TMEM181: variants seen among roughly 807,000 people sequenced by gnomAD.
TMEM181 encodes the protein G protein-coupled receptor 178.
In TMEM181, 39 loss-of-function variants were observed where a neutral mutation model predicts 71.9. The observed-to-expected ratio is 0.54, with a 90% confidence interval of 0.42 to 0.71. The LOEUF is 0.71. Among genes scored for constraint, TMEM181 ranks in the 30% least tolerant of loss-of-function variants. The probability of loss-of-function intolerance (pLI) is 0.00; values close to 1 mark genes in which losing one functional copy is unlikely to be tolerated. For synonymous variants in TMEM181, 245 were observed against 228.8 expected, an observed-to-expected ratio of 1.07 and a Z score of -0.64; for missense variants, 595 against 583.0, an observed-to-expected ratio of 1.02 and a Z score of -0.21.
chr6:158,626,309 G>A (rs181554043), intron 13 of TMEM181: 146 of 445,534 alleles, frequency 3.3e-4, no homozygotes, highest in Admixed American at 1.2e-3. Context: ...GAACAGAGCG[G>A]TCTGGGAAGT....
chr6:158,555,364 A>G (rs1299678332), upstream of TMEM181, among the ~76,000 whole-genome samples: 1 of 152,200 alleles, frequency 6.6e-6, no homozygotes, highest in Admixed American at 6.5e-5. Flanking sequence ...CCAAACAATT[A>G]TTAGTCAGGC....
At chr6:158,611,113 C>T in intron 10 of TMEM181, 1 of 512,662 alleles carries the variant, frequency 2.0e-6, no homozygotes, top group Admixed American at 2.1e-5. Flanking sequence ...CCCCAAGGGG[C>T]TCCTCAGTGG....
chr6:158,545,686 G>A (rs1317661841), intron 1 of TMEM181, among the ~76,000 whole-genome samples: 1 of 151,302 alleles, frequency 6.6e-6, no homozygotes, highest in African/African-American at 2.4e-5. Context: ...GGTGGTGGTT[G>A]TCTTGTTTTT....
intron 13 of TMEM181, among the ~76,000 whole-genome samples, chr6:158,627,967 C>A (rs1331137756): frequency 6.6e-6 from 1 of 152,126 alleles, no homozygotes; most frequent in African/African-American, 2.4e-5. Flanking sequence ...CTGGAACTGA[C>A]CGGGGAGGCG....
upstream of TMEM181, among the ~76,000 whole-genome samples, chr6:158,556,481 C>G (rs1337477075): frequency 2.6e-5 from 4 of 152,138 alleles, no homozygotes; most frequent in Non-Finnish European, 5.9e-5. Flanking sequence ...TGTGCCTTTT[C>G]AGGGAGGTAT....
At chr6:158,566,208 T>C (rs990635239) in intron 1 of TMEM181, among the ~76,000 whole-genome samples, 2 of 152,016 alleles carry the variant, frequency 1.3e-5, no homozygotes, top group Non-Finnish European at 2.9e-5. Flanking sequence ...GTGAGGTACC[T>C]GCTTGATAGC....
chr6:158,611,089 G>T (rs1785277153), intron 10 of TMEM181: 1 of 487,440 alleles, frequency 2.1e-6, no homozygotes, highest in Admixed American at 2.4e-5. Context: ...ATTTGTCAGT[G>T]ACTGTCCTTT....
intron 1 of TMEM181, among the ~76,000 whole-genome samples, chr6:158,568,834 C>CACCT (rs1782654113): frequency 1.3e-5 from 2 of 152,180 alleles, no homozygotes; most frequent in African/African-American, 4.8e-5. Flanking sequence ...CTGGCAAAGA[C>CACCT]ACCTCCCCTC....
chr6:158,554,584 A>G (rs1210552357), intron 1 of TMEM181, among the ~76,000 whole-genome samples: 1 of 152,230 alleles, frequency 6.6e-6, no homozygotes, highest in East Asian at 1.9e-4. Flanking sequence ...GTTTTGCTCA[A>G]AGTCACAGTT....
chr6:158,541,396 G>A (rs912435727), intron 1 of TMEM181, among the ~76,000 whole-genome samples: 3 of 151,734 alleles, frequency 2.0e-5, no homozygotes, highest in East Asian at 1.9e-4. Context: ...CAGCCTGGGC[G>A]ACAAGAGCGA....
chr6:158,624,723 T>A (rs1489846457), intron 11 of TMEM181, among the ~76,000 whole-genome samples: 1 of 152,164 alleles, frequency 6.6e-6, no homozygotes, highest in Non-Finnish European at 1.5e-5. Flanking sequence ...CTGGGTCCTT[T>A]CTTGGACACC....
intron 2 of TMEM181, among the ~76,000 whole-genome samples, chr6:158,577,429 A>G (rs1020204128): frequency 1.3e-5 from 2 of 152,216 alleles, no homozygotes; most frequent in Non-Finnish European, 2.9e-5. Flanking sequence ...CAGAAGAAAA[A>G]TGAACAGAGA....
chr6:158,584,644 C>T (rs991211206), intron 4 of TMEM181, among the ~76,000 whole-genome samples: 1 of 152,316 alleles, frequency 6.6e-6, no homozygotes, highest in East Asian at 1.9e-4. Flanking sequence ...AAATCCTTTT[C>T]TGTTCTGTGC....
At chr6:158,568,566 C>T (rs1000317657) in intron 1 of TMEM181, among the ~76,000 whole-genome samples, 2 of 152,238 alleles carry the variant, frequency 1.3e-5, no homozygotes, top group Admixed American at 6.5e-5. Context: ...TTCTGCATCA[C>T]AGACTTGCCT....
chr6:158,543,351 C>G (rs1337883361), intron 1 of TMEM181, among the ~76,000 whole-genome samples: 2 of 152,352 alleles, frequency 1.3e-5, no homozygotes, highest in South Asian at 4.1e-4. Flanking sequence ...CAGAGGAGGA[C>G]AGGCCTCAAG....
At position 158,545,662 on chromosome 6, in the gene TMEM181, GT is replaced by G. The variant is rs113910744; in HGVS notation, c.131+8810del. The stretch of plus-strand genomic sequence containing the variant: ...GCTGCACTCTTTCCATTCTTTTTTA[GT>G]TTTTTTTTTTTTGGTGGTGGTTGTC... On this transcript the variant is annotated intron_variant, in intron 1 of 16. Transcript: ENST00000367090. Among the ~76,000 whole-genome samples, 1,189 of 144,958 alleles carry G rather than the reference GT, an allele frequency of 8.2e-3. 18 individuals are homozygous for G. Among genetic ancestry groups the G allele is most frequent in the African/African-American group, 0.026 (1,037 of 39,770 alleles).
intron 7 of TMEM181, 80 bp from the exon 8 acceptor site, chr6:158,607,164 G>C: frequency 4.4e-6 from 5 of 1,142,196 alleles, no homozygotes; most frequent in Non-Finnish European, 6.6e-6. Context: ...AGACAACCTG[G>C]TATGCCGGCA....
chr6:158,594,489 T>G (rs1462837658), intron 6 of TMEM181, among the ~76,000 whole-genome samples: 4 of 152,218 alleles, frequency 2.6e-5, no homozygotes, highest in Non-Finnish European at 5.9e-5. Flanking sequence ...TTATATGCAT[T>G]TTAAGTTTTC....
At chr6:158,603,142 A>G (rs1378430581) in intron 6 of TMEM181, among the ~76,000 whole-genome samples, 1 of 151,944 alleles carries the variant, frequency 6.6e-6, no homozygotes, top group Admixed American at 6.6e-5. Context: ...TTATCTCTTC[A>G]AATACTTTTT....
Sources: allele counts gnomAD v4.1 joint callset (sites outside exome capture counted in the v4.1 genomes callset), GRCh38; gene constraint gnomAD v4.1.1; transcripts MANE v1.5; gene names NCBI Gene and HGNC (gene_info 2026-07-23, HGNC 2026-07-21).